KALRN: variants seen among roughly 807,000 people sequenced by gnomAD.
KALRN encodes the protein kalirin.
A neutral mutation model predicts 353.7 loss-of-function variants in KALRN; 70 were observed. That is an observed-to-expected ratio of 0.20 (90% CI 0.16 to 0.24). The LOEUF is 0.24. Ranked by LOEUF, KALRN falls within the 10% of genes least tolerant of loss-of-function variation. The pLI is 1.00. For missense variants in KALRN, 2,791 were observed against 3,756.7 expected, an observed-to-expected ratio of 0.74 and a Z score of 6.72; for synonymous variants, 1,391 against 1,434.8, an observed-to-expected ratio of 0.97 and a Z score of 0.69.
intron 22 of KALRN, among the ~76,000 whole-genome samples, chr3:124,456,221 TG>T (rs1006295757): frequency 2.6e-5 from 4 of 152,218 alleles, no homozygotes; most frequent in African/African-American, 9.6e-5. Flanking sequence ...AAATGAAAGA[TG>T]TTTTTATATC....
chr3:124,226,647 G>A (rs946487195), intron 1 of KALRN, among the ~76,000 whole-genome samples: 1 of 152,204 alleles, frequency 6.6e-6, no homozygotes, highest in African/African-American at 2.4e-5. Flanking sequence ...CCTTGGTTGA[G>A]TGTGCAGTTG....
chr3:124,197,246 A>C (rs1386313559), intron 1 of KALRN, among the ~76,000 whole-genome samples: 3 of 152,130 alleles, frequency 2.0e-5, no homozygotes, highest in Non-Finnish European at 4.4e-5. Flanking sequence ...TTGTCTCTGT[A>C]TTCTATATTG....
intron 34 of KALRN, among the ~76,000 whole-genome samples, chr3:124,590,565 T>C (rs1402874172): frequency 6.6e-6 from 1 of 152,182 alleles, no homozygotes; most frequent in Non-Finnish European, 1.5e-5. Context: ...TATTTTGTGG[T>C]ATTCCTTTTA....
intron 10 of KALRN, among the ~76,000 whole-genome samples, chr3:124,355,659 T>C (rs567664215): frequency 5.3e-5 from 8 of 151,280 alleles, no homozygotes; most frequent in Admixed American, 2.0e-4. Context: ...GGTTTTCCGA[T>C]ACAGGCAACC....
At chr3:124,323,543 A>G (rs2079564533) in intron 6 of KALRN, among the ~76,000 whole-genome samples, 1 of 152,142 alleles carries the variant, frequency 6.6e-6, no homozygotes, top group African/African-American at 2.4e-5. Context: ...ACAGTTGGAC[A>G]CCTCTAATAG....
intron 1 of KALRN, among the ~76,000 whole-genome samples, chr3:124,216,909 T>C (rs2077391045): frequency 6.6e-6 from 1 of 152,190 alleles, no homozygotes; most frequent in African/African-American, 2.4e-5. Context: ...TCCCATTGTG[T>C]CTTAGTTAGT....
chr3:124,429,063 A>T (rs1470090342), intron 15 of KALRN, among the ~76,000 whole-genome samples: 1 of 152,220 alleles, frequency 6.6e-6, no homozygotes, highest in Admixed American at 6.5e-5. Context: ...GCCCAAAGTT[A>T]CAGGCAATTT....
chr3:124,185,367 C>T (rs919549785), intron 1 of KALRN, among the ~76,000 whole-genome samples: 1 of 152,190 alleles, frequency 6.6e-6, no homozygotes, highest in African/African-American at 2.4e-5. Flanking sequence ...CGGGCCAAAG[C>T]TTGTTCTTGG....
chr3:124,374,794 A>AGG (rs2086351204), intron 10 of KALRN, among the ~76,000 whole-genome samples: 2 of 152,206 alleles, frequency 1.3e-5, no homozygotes, highest in Admixed American at 1.3e-4. Flanking sequence ...AACACTGCAA[A>AGG]GTTACATCTT....
chr3:124,700,110 C>T (rs570506756), intron 56 of KALRN, 77 bp downstream of exon 56: 118 of 1,423,140 alleles, frequency 8.3e-5, no homozygotes, highest in Middle Eastern at 6.9e-4. Context: ...CTCCTGGGCA[C>T]GTTGACATGT....
intron 1 of KALRN, among the ~76,000 whole-genome samples, chr3:124,093,828 G>T (rs2061265138): frequency 6.6e-6 from 1 of 152,166 alleles, no homozygotes; most frequent in Non-Finnish European, 1.5e-5. Context: ...TGTGGCATTT[G>T]AGTTATTTGT....
rs145439072 is a variant in KALRN, at chr3:124,657,740, C to T, written c.5973C>T (p.Phe1991=). Reference sequence around the variant, plus strand: ...ATCCCCTTTCTCCTTTTAGTTTTTTCCTGGCGGAACTGGAAAAGTGTATCC... The same window carrying T: ...ATCCCCTTTCTCCTTTTAGTTTTTTTCTGGCGGAACTGGAAAAGTGTATCC... The part of the protein sequence containing the change: ...HQIYDWHKDF[F]LAELEKCIQE... The change falls in exon 41 of 60, where the codon TTC becomes TTT. Residue 1991 remains phenylalanine (F), a synonymous_variant. Coordinates refer to ENST00000682506, the MANE Select transcript of KALRN (RefSeq NM_001388419.1). 2 of 1,612,818 alleles carry T rather than the reference C, an allele frequency of 1.2e-6. No homozygotes were observed. The highest frequency in any genetic ancestry group is 1.1e-5 in the South Asian group (1 of 91,000).
chr3:124,605,300 G>GT (rs1386335965), intron 34 of KALRN, among the ~76,000 whole-genome samples: 1 of 151,916 alleles, frequency 6.6e-6, no homozygotes, highest in African/African-American at 2.4e-5. Context: ...GCTGGATGCA[G>GT]TGGCTCATGC....
At chr3:124,396,887 T>C (rs183895600) in intron 12 of KALRN, among the ~76,000 whole-genome samples, 8 of 152,336 alleles carry the variant, frequency 5.3e-5, no homozygotes, top group Admixed American at 1.3e-4. Flanking sequence ...GACTCTAGCC[T>C]AGGCTCCCCT....
intron 33 of KALRN, 184 bp from the exon 34 acceptor site, chr3:124,562,659 C>T: frequency 3.4e-5 from 14 of 407,012 alleles, no homozygotes; most frequent in South Asian, 2.9e-4. Context: ...CTGTTCTCAA[C>T]TCTCCTTTTC....
At chr3:124,047,218 G>T (rs1455403107) in intron 1 of KALRN, among the ~76,000 whole-genome samples, 4 of 152,096 alleles carry the variant, frequency 2.6e-5, no homozygotes, top group Non-Finnish European at 4.4e-5. Flanking sequence ...AATTAATATT[G>T]AGTGAATGTC....
At chr3:124,248,896 C>T (rs1293759837) in intron 3 of KALRN, among the ~76,000 whole-genome samples, 2 of 152,220 alleles carry the variant, frequency 1.3e-5, no homozygotes, top group East Asian at 3.8e-4. Context: ...GAACCTTGTC[C>T]TGTGATGCAC....
intron 6 of KALRN, among the ~76,000 whole-genome samples, chr3:124,323,005 A>T (rs1195437224): frequency 6.6e-6 from 1 of 152,204 alleles, no homozygotes; most frequent in East Asian, 1.9e-4. Flanking sequence ...TCCCTCTATT[A>T]TGAGGGATAC....
intron 1 of KALRN, chr3:124,099,310 A>T (rs2061674782): frequency 6.6e-6 from 1 of 152,204 alleles, no homozygotes; most frequent in Non-Finnish European, 1.5e-5. Flanking sequence ...AGAACATGTA[A>T]TATTTGTCTT....
Sources: gnomAD v4.1 joint callset for allele counts (sites outside exome capture counted in the v4.1 genomes callset) on GRCh38, gnomAD v4.1.1 for gene constraint, MANE v1.5 for transcripts, NCBI Gene and HGNC (gene_info 2026-07-23, HGNC 2026-07-21) for gene names.